WLS: variants seen among roughly 807,000 people sequenced by gnomAD.
WLS encodes the protein Wnt ligand secretion mediator, also known as protein wntless homolog.
In WLS, 23 loss-of-function variants were observed where a neutral mutation model predicts 62.8. That is an observed-to-expected ratio of 0.37 (90% confidence interval 0.26 to 0.52). The LOEUF is 0.52. WLS is among the 20% of genes least tolerant of loss of function. The pLI, the probability that WLS is intolerant of heterozygous loss-of-function variation, is 0.92. For missense variants in WLS, 615 were observed against 697.3 expected (o/e 0.88, Z 1.33); for synonymous variants, 246 against 244.1 (o/e 1.01, Z -0.07).
intron 2 of WLS, chr1:68,162,242 C>T (rs796180110): frequency 2.0e-6 from 3 of 1,537,356 alleles, no homozygotes; most frequent in South Asian, 2.2e-5. Flanking sequence ...TCCTTGAGAG[C>T]TTGTGCTAAG....
At chr1:68,103,886 G>A (rs1207892664) in intron 11 of WLS, among the ~76,000 whole-genome samples, 1 of 152,154 alleles carries the variant, frequency 6.6e-6, no homozygotes. Flanking sequence ...ATTGTTAGAA[G>A]ATCTGCCTTA....
intron 11 of WLS, among the ~76,000 whole-genome samples, chr1:68,110,769 G>A (rs888571751): frequency 4.0e-4 from 60 of 149,836 alleles, no homozygotes; most frequent in African/African-American, 1.4e-3. Flanking sequence ...ATATTTGCTC[G>A]ATAAAGGATA....
chr1:68,208,391 C>T (rs529387342), intron 1 of WLS, among the ~76,000 whole-genome samples: 73 of 152,142 alleles, frequency 4.8e-4, no homozygotes, highest in African/African-American at 1.7e-3. Context: ...TAGATGGATT[C>T]TTTGAGTTTT....
intron 2 of WLS, among the ~76,000 whole-genome samples, chr1:68,167,102 C>T (rs1444714948): frequency 1.3e-5 from 2 of 152,074 alleles, no homozygotes; most frequent in Non-Finnish European, 2.9e-5. Flanking sequence ...AGACTTAACG[C>T]CTAGAATTTC....
At chr1:68,146,551 C>A (rs1025511305) in intron 8 of WLS, among the ~76,000 whole-genome samples, 1 of 152,010 alleles carries the variant, frequency 6.6e-6, no homozygotes, top group Non-Finnish European at 1.5e-5. Context: ...TATAAGAATG[C>A]GATTGAGATA....
At chr1:68,153,752 C>T in intron 4 of WLS, 99 bp from the exon 5 acceptor site, 9 of 1,509,738 alleles carry the variant, frequency 6.0e-6, no homozygotes, top group Non-Finnish European at 7.2e-6. Context: ...GAGACCTCGT[C>T]TGCGAATGTT....
At chr1:68,107,794 A>G (rs566625578) in intron 11 of WLS, among the ~76,000 whole-genome samples, 24 of 152,258 alleles carry the variant, frequency 1.6e-4, no homozygotes, top group African/African-American at 5.8e-4. Context: ...AGACATGTGG[A>G]TAATCTACCC....
intron 11 of WLS, among the ~76,000 whole-genome samples, chr1:68,115,722 T>A (rs201619669): frequency 1.2e-5 from 1 of 82,764 alleles, no homozygotes; most frequent in East Asian, 4.4e-4. Flanking sequence ...TTTAAAAACA[T>A]CAACAAATTT....
chr1:68,209,508 T>C (rs2100643171), intron 1 of WLS, among the ~76,000 whole-genome samples: 1 of 152,268 alleles, frequency 6.6e-6, no homozygotes, highest in East Asian at 1.9e-4. Flanking sequence ...GCCGGGCACG[T>C]TGGCTCGTGC....
intron 3 of WLS, among the ~76,000 whole-genome samples, chr1:68,156,546 T>C (rs765437726): frequency 6.6e-6 from 1 of 151,996 alleles, no homozygotes; most frequent in Non-Finnish European, 1.5e-5. Flanking sequence ...CACGGCAAGG[T>C]AGAGGTGGGG....
intron 2 of WLS, chr1:68,162,981 G>A (rs140275971): frequency 0.019 from 29,487 of 1,590,586 alleles, 349 homozygotes; most frequent in Non-Finnish European, 0.023. Flanking sequence ...GTCCAGCAGC[G>A]CCACCAGGGG....
intron 11 of WLS, among the ~76,000 whole-genome samples, chr1:68,112,254 G>A (rs1646237339): frequency 1.3e-5 from 2 of 152,164 alleles, no homozygotes; most frequent in Non-Finnish European, 2.9e-5. Context: ...GTGCTCTTAT[G>A]CAGTGCACTA....
intron 2 of WLS, among the ~76,000 whole-genome samples, chr1:68,177,121 G>A (rs1361671640): frequency 6.6e-6 from 1 of 152,086 alleles, no homozygotes; most frequent in Non-Finnish European, 1.5e-5. Flanking sequence ...TCATGCCTGT[G>A]GGCACATTCT....
chr1:68,203,083 AT>A (rs1368781950), intron 1 of WLS: 2 of 152,236 alleles, frequency 1.3e-5, no homozygotes, highest in Non-Finnish European at 2.9e-5. Flanking sequence ...TTATTCATAA[AT>A]TACATATATT....
chr1:68,146,015 G>A lies in WLS; in HGVS notation c.1135-3C>T, dbSNP rs369374692. On this transcript the variant is annotated splice_region_variant and splice_polypyrimidine_tract_variant and intron_variant, in intron 8 of 11. Coordinates refer to ENST00000262348, the MANE Select transcript of WLS (RefSeq NM_024911.7). ...CCAGCCACGATGATGAAGGCCATCT[G>A]GTCGTGTCCAGTAAAGGAAACAACG... 2.6e-5 allele frequency: 42 copies of A among 1,613,916 alleles called. No homozygotes were observed. The African/African-American group carries it at 5.2e-4, about 20-fold the overall frequency.
At position 68,107,146 on chromosome 1, in the gene WLS, A is replaced by G. The variant is rs182413127; in HGVS notation, c.1511-8393T>C. Among the ~76,000 whole-genome samples the G allele has an allele frequency of 1.5e-3, 230 of 152,312 alleles. 2 individuals carry two copies. Among genetic ancestry groups the G allele is most frequent in the African/African-American group, 5.4e-3 (225 of 41,566 alleles). ...ATGAAAATAAGACAAAATTATGCAT[A>G]CTATATTTTTAGTCAGCTCTTTTTA... On this transcript the variant is annotated intron_variant, in intron 11 of 11. Coordinates refer to the WLS transcript ENST00000354777.
At chr1:68,144,011 A>G (rs1646721231) in intron 10 of WLS, among the ~76,000 whole-genome samples, 1 of 152,196 alleles carries the variant, frequency 6.6e-6, no homozygotes, top group African/African-American at 2.4e-5. Context: ...TGAATAATAG[A>G]TACATTAGAT....
At chr1:68,213,978 C>A (rs559110210) in intron 1 of WLS, among the ~76,000 whole-genome samples, 2 of 152,182 alleles carry the variant, frequency 1.3e-5, no homozygotes, top group Non-Finnish European at 2.9e-5. Context: ...TCGGCTTGGG[C>A]AGTCATTAAA....
At chr1:68,125,238 T>G (rs1288450864), downstream of WLS, 6 of 854,732 alleles carry the variant, frequency 7.0e-6, no homozygotes, top group Admixed American at 3.7e-4. Flanking sequence ...TCTCCAGGAA[T>G]AGGTATTATC....
Sources: allele counts gnomAD v4.1 joint callset (sites outside exome capture counted in the v4.1 genomes callset), GRCh38; gene constraint gnomAD v4.1.1; transcripts MANE v1.5; gene names NCBI Gene and HGNC (gene_info 2026-07-23, HGNC 2026-07-21).